Variants in ACVR2A observed in about 807,000 individuals in gnomAD.
ACVR2A encodes activin receptor type-2A.
ACVR2A carries 7 observed loss-of-function variants against 61.4 expected under a neutral mutation model. The ratio of observed to expected loss-of-function variants is 0.11; its 90% confidence interval spans 0.06 to 0.21. The LOEUF is 0.21. ACVR2A is among the 10% of genes least tolerant of loss of function. The pLI, the probability that ACVR2A is intolerant of heterozygous loss-of-function variation, is 1.00. For synonymous variants in ACVR2A, 193 were observed against 208.3 expected (o/e 0.93, Z 0.63); for missense variants, 322 against 621.7 (o/e 0.52, Z 5.13).
chr2:147,909,877 A>G (rs570505175), intron 4 of ACVR2A, among the ~76,000 whole-genome samples: 1 of 152,168 alleles, frequency 6.6e-6, no homozygotes, highest in East Asian at 1.9e-4. Context: ...CCTGAGCTCA[A>G]AGATCCTCCT....
chr2:147,877,348 A>C (rs1056029281), intron 1 of ACVR2A: 1 of 152,192 alleles, frequency 6.6e-6, no homozygotes, highest in African/African-American at 2.4e-5. Flanking sequence ...AAATGGGGGA[A>C]TGACATTCAG....
At chr2:147,867,979 T>C (rs1219214805) in intron 1 of ACVR2A, among the ~76,000 whole-genome samples, 1 of 152,186 alleles carries the variant, frequency 6.6e-6, no homozygotes, top group Non-Finnish European at 1.5e-5. Flanking sequence ...AGTTGTTAGG[T>C]GCTTCTTTCT....
At position 147,929,372 on chromosome 2, in the gene ACVR2A, T is replaced by C. The variant is rs546388343; in HGVS notation, c.*2098T>C. The C allele has an allele frequency of 7.6e-6, 1 of 132,162 alleles. No homozygotes were observed. The highest frequency in any genetic ancestry group is 2.4e-4 in the South Asian group (1 of 4,188). The allele number at this position is 132,162 out of a possible 1,614,324, so 8.2% of individuals were successfully genotyped here. ...TGTTGTGAACATTTAACTTTCTTTT[T>C]AAAAGTTAAACAAAAATAAACAAGG... On this transcript the variant is annotated 3_prime_UTR_variant, in exon 11 of 11. Coordinates refer to ENST00000241416, the MANE Select transcript of ACVR2A (RefSeq NM_001616.5).
chr2:147,909,888 G>A (rs182113958), intron 4 of ACVR2A, among the ~76,000 whole-genome samples: 1 of 152,168 alleles, frequency 6.6e-6, no homozygotes, highest in Admixed American at 6.5e-5. Context: ...AGATCCTCCT[G>A]CCTTGGCCTC....
chr2:147,864,317 C>T (rs1314487744), intron 1 of ACVR2A, among the ~76,000 whole-genome samples: 1 of 152,070 alleles, frequency 6.6e-6, no homozygotes, highest in Non-Finnish European at 1.5e-5. Context: ...GCAACCTCCA[C>T]CTCCCAGTTT....
At position 147,893,076 on chromosome 2, in the gene ACVR2A, T is replaced by C. The variant is rs529862629; in HGVS notation, c.56-3225T>C. 1.0e-3 allele frequency among the ~76,000 whole-genome samples: 156 copies of C among 152,280 alleles called. 1 individual carries two copies. The highest frequency in any genetic ancestry group is 2.1e-3 in the South Asian group (10 of 4,826). On this transcript the variant is annotated intron_variant, in intron 1 of 10. Coordinates refer to ENST00000241416, the MANE Select transcript of ACVR2A (RefSeq NM_001616.5). ...CTCATGCCCTTTTGTAATCACCTCC[T>C]TTTCCCTCACTCCCAGCTTCTGGCA...
intron 1 of ACVR2A, among the ~76,000 whole-genome samples, chr2:147,853,224 A>G (rs1476372760): frequency 2.0e-5 from 3 of 152,138 alleles, no homozygotes; most frequent in Admixed American, 1.3e-4. Context: ...ATTTGGAAAA[A>G]TAAGAGTACA....
At chr2:147,918,659 G>T in intron 7 of ACVR2A, 67 bp downstream of exon 7, 4 of 1,385,200 alleles carry the variant, frequency 2.9e-6, no homozygotes, top group African/African-American at 1.5e-5. Context: ...TAAGCCCCTG[G>T]GTAAATTTTA....
chr2:147,855,201 A>G (rs1241663048), intron 1 of ACVR2A, among the ~76,000 whole-genome samples: 1 of 152,092 alleles, frequency 6.6e-6, no homozygotes, highest in East Asian at 1.9e-4. Context: ...TGTCCTTTCT[A>G]ATATTAGAAT....
chr2:147,876,152 A>G lies in ACVR2A; in HGVS notation c.56-20149A>G, dbSNP rs191232702. ...TCACCTCTTAAAAGCATTAAATGAT[A>G]CTGGCATTGCCTTCATTCCCTTCAA... On this transcript the variant is annotated intron_variant, in intron 1 of 10. Transcript: ENST00000241416. Among the ~76,000 whole-genome samples, 3 of 152,226 alleles carry G rather than the reference A, an allele frequency of 2.0e-5. No individual in the cohort carries two copies. The East Asian group carries it at 5.8e-4, about 29-fold the overall frequency.
At position 147,850,969 on chromosome 2, in the gene ACVR2A, G is replaced by T. The variant is rs554289331; in HGVS notation, c.55+5762G>T. On this transcript the variant is annotated intron_variant, in intron 1 of 10. Transcript: ENST00000241416. ...TAGTGATCAAGAATGTGGTCGTAGA[G>T]GTTGGTAGACTTGAGCTGTGGTGTC... 2.0e-5 allele frequency among the ~76,000 whole-genome samples: 3 copies of T among 152,218 alleles called. No individual in the cohort carries two copies. The South Asian group carries it at 6.2e-4, about 32-fold the overall frequency.
chr2:147,872,491 C>G (rs930969361), intron 1 of ACVR2A, among the ~76,000 whole-genome samples: 1 of 150,798 alleles, frequency 6.6e-6, no homozygotes, highest in African/African-American at 2.4e-5. Context: ...TGTGCAAATT[C>G]AAGAAAGTTG....
At chr2:147,921,065 G>A (rs962197756) in intron 8 of ACVR2A, among the ~76,000 whole-genome samples, 8 of 151,866 alleles carry the variant, frequency 5.3e-5, no homozygotes, top group South Asian at 4.2e-4. Context: ...ACAGAGTCTC[G>A]CTCTGTCACC....
chr2:147,853,761 G>T (rs536288855), intron 1 of ACVR2A, among the ~76,000 whole-genome samples: 1 of 151,914 alleles, frequency 6.6e-6, no homozygotes, highest in Non-Finnish European at 1.5e-5. Flanking sequence ...AGGAGTTTTC[G>T]TAGTTATGAT....
intron 1 of ACVR2A, among the ~76,000 whole-genome samples, chr2:147,871,160 T>G (rs115175253): frequency 3.9e-5 from 6 of 152,204 alleles, no homozygotes; most frequent in African/African-American, 7.2e-5. Context: ...TGCCTAGAGC[T>G]CATGTGTGGA....
chr2:147,900,570 T>G (rs971209357), intron 4 of ACVR2A: 6 of 152,020 alleles, frequency 3.9e-5, no homozygotes, highest in Admixed American at 1.3e-4. Context: ...TGGAGAGTAA[T>G]CAGATTAAAT....
At chr2:147,874,857 A>G (rs1046000952) in intron 1 of ACVR2A, among the ~76,000 whole-genome samples, 2 of 151,982 alleles carry the variant, frequency 1.3e-5, no homozygotes, top group Non-Finnish European at 2.9e-5. Flanking sequence ...AGTAGGTTTA[A>G]GTTAAAAGAT....
At chr2:147,852,491 A>C (rs1685471939) in intron 1 of ACVR2A, among the ~76,000 whole-genome samples, 1 of 152,118 alleles carries the variant, frequency 6.6e-6, no homozygotes, top group Non-Finnish European at 1.5e-5. Flanking sequence ...AAATGTGTGC[A>C]ATGAAAAATA....
chr2:147,912,835 T>C (rs922737822), intron 4 of ACVR2A, among the ~76,000 whole-genome samples: 2 of 151,974 alleles, frequency 1.3e-5, no homozygotes, highest in East Asian at 3.9e-4. Context: ...TTTGAGATTC[T>C]ACAGGAAGAC....
Sources: gnomAD v4.1 joint callset for allele counts (sites outside exome capture counted in the v4.1 genomes callset) on GRCh38, gnomAD v4.1.1 for gene constraint, MANE v1.5 for transcripts, NCBI Gene and HGNC (gene_info 2026-07-23, HGNC 2026-07-21) for gene names.